The following CDK11A variants were observed in gnomAD, a reference collection of about 807,000 sequenced individuals.
The protein encoded by CDK11A is cyclin dependent kinase 11A.
Under a neutral mutation model 83.6 loss-of-function variants are expected in CDK11A, and 55 were observed. The ratio of observed to expected loss-of-function variants is 0.66; its 90% CI spans 0.53 to 0.82. CDK11A has a LOEUF of 0.82. Ranked by LOEUF, CDK11A falls within the 40% of genes least tolerant of loss-of-function variation. CDK11A has a pLI of 0.00. For synonymous variants in CDK11A, 247 were observed against 302.7 expected, an observed-to-expected ratio of 0.82 and a Z score of 1.91; for missense variants, 564 against 810.1, an observed-to-expected ratio of 0.70 and a Z score of 3.69.
chr1:1,707,237 G>A (rs1442320417), intron 11 of CDK11A, among the ~76,000 whole-genome samples, 172 bp downstream of exon 11: 5 of 144,634 alleles, frequency 3.5e-5, no homozygotes, highest in Admixed American at 3.4e-4. Context: ...AGAAAGAGGC[G>A]GGACCTAGAA....
intron 2 of CDK11A, 106 bp from the exon 3 acceptor site, chr1:1,721,817 AC>A: frequency 7.2e-7 from 1 of 1,392,644 alleles, no homozygotes; most frequent in Non-Finnish European, 9.6e-7. Flanking sequence ...CCCAAAACAA[AC>A]TTTCACATGT....
At chr1:1,719,921 T>G (rs1200664168) in intron 3 of CDK11A, among the ~76,000 whole-genome samples, 1 of 148,918 alleles carries the variant, frequency 6.7e-6, no homozygotes, top group Non-Finnish European at 1.5e-5. Context: ...GGCCTAGGAG[T>G]CTTAAGATTC....
rs11488591 is a variant in CDK11A at position 1,704,126 on chromosome 1, C to T, written c.1707G>A (p.Ala569=). ...CCTTCAGAGGGGATCCGTACTCCCGCGCCAGCCCAAAATCACCCACCTGCA... is the reference window on the plus strand; with the variant it reads ...CCTTCAGAGGGGATCCGTACTCCCGTGCCAGCCCAAAATCACCCACCTGCA... ...GILKVGDFGL[A]REYGSPLKAY... is the part of the protein sequence containing the mutation. Residue 569 remains alanine, a synonymous_variant, in exon 16 of 20, where the codon GCG becomes GCA. Transcript: ENST00000404249. 0.092 allele frequency: 147,217 copies of T among 1,602,968 alleles called. 16,616 individuals carry two copies. Among genetic ancestry groups the T allele is most frequent in the African/African-American group, 0.45 (33,417 of 74,200 alleles).
rs763206609 is a variant in CDK11A at position 1,704,472 on chromosome 1, T to C, written c.1564+78A>G. 4.5e-6 allele frequency: 7 copies of C among 1,550,430 alleles called. No homozygotes were observed. In the African/African-American group the frequency reaches 9.7e-5, roughly 21 times the overall value. On this transcript the variant is annotated intron_variant, in intron 14 of 19. Transcript: ENST00000404249. ...CCCTGTGGATGCAGCTGGCCCTCCCTGCAGCACTGTCACCGCGGGGGTGAC... is the reference window on the plus strand; with the variant it reads ...CCCTGTGGATGCAGCTGGCCCTCCCCGCAGCACTGTCACCGCGGGGGTGAC...
At chr1:1,720,004 G>A (rs1644843025) in intron 3 of CDK11A, among the ~76,000 whole-genome samples, 1 of 151,164 alleles carries the variant, frequency 6.6e-6, no homozygotes, top group African/African-American at 2.4e-5. Flanking sequence ...TGCAGGGGGT[G>A]AGGGGCAGGT....
chr1:1,718,603 G>A (rs892622396), intron 4 of CDK11A, among the ~76,000 whole-genome samples: 3 of 149,986 alleles, frequency 2.0e-5, no homozygotes, highest in Non-Finnish European at 3.0e-5. Context: ...ATTCTGAACG[G>A]TCTGTGACGC....
At chr1:1,715,429 C>T (rs1644599739) in intron 5 of CDK11A, among the ~76,000 whole-genome samples, 1 of 148,058 alleles carries the variant, frequency 6.8e-6, no homozygotes, top group South Asian at 2.2e-4. Context: ...CACTTCTATC[C>T]CAAGCTCTAC....
chr1:1,704,877 G>C (rs371977741), intron 13 of CDK11A, 27 bp downstream of exon 13: 1 of 1,606,684 alleles, frequency 6.2e-7, no homozygotes, highest in Non-Finnish European at 8.5e-7. Context: ...TTCCACCCGG[G>C]GCCAGGCGTG....
chr1:1,716,810 A>C, intron 4 of CDK11A, among the ~76,000 whole-genome samples: 1 of 101,048 alleles, frequency 9.9e-6, no homozygotes, highest in East Asian at 2.6e-4. Context: ...GTGAGACTCC[A>C]TCTCAAAAAA....
intron 10 of CDK11A, among the ~76,000 whole-genome samples, chr1:1,707,899 G>A (rs548026569): frequency 2.2e-5 from 3 of 137,356 alleles, no homozygotes; most frequent in Non-Finnish European, 4.5e-5. Context: ...TGTTCTGCAG[G>A]GACAGGCCCG....
chr1:1,721,639 T>C lies in CDK11A; in HGVS notation c.184A>G (p.Ile62Val). ...ELRDHCMEIT[I>V]RNSPYRREDS... Reference sequence around the variant, plus strand: ...TCTCTTCTATACGGGGAGTTCCTTATTGTGATCTCCATGCAGTGATCTCTC... The same window carrying C: ...TCTCTTCTATACGGGGAGTTCCTTACTGTGATCTCCATGCAGTGATCTCTC... The change falls in exon 3 of 20, where the codon ATA becomes GTA. Residue 62 changes from isoleucine to valine, a missense_variant. Ile to Val is a conservative substitution (Grantham distance 29). Around this residue, in one of 5 missense-constraint regions of CDK11A, gnomAD observed 151 missense variants for 147.4 expected, o/e 1.02. Transcript: ENST00000404249. The C allele has an allele frequency of 6.2e-7, 1 of 1,607,052 alleles. No individual in the cohort carries two copies. Among genetic ancestry groups the C allele is most frequent in the Non-Finnish European group, 8.5e-7 (1 of 1,174,656 alleles).
In CDK11A at chr1:1,703,565, T is replaced by TC; in HGVS notation, c.1970_1971insG (p.Met659AspfsTer42). On this transcript the variant is annotated frameshift_variant, in exon 18 of 20. Transcript: ENST00000404249. LOFTEE classifies it high-confidence loss of function. ...AGGGGTGCTCGCTGAAGGTCATCTT[T>TC]TTGACTACTGGGAGCTCACTGTAGC... 1 of 1,547,374 alleles carries TC rather than the reference T, an allele frequency of 6.5e-7. No homozygotes were observed. Among genetic ancestry groups the TC allele is most frequent in the Non-Finnish European group, 8.7e-7 (1 of 1,155,684 alleles).
At chr1:1,719,253 G>A in intron 4 of CDK11A, 75 bp downstream of exon 4, 5 of 1,305,254 alleles carry the variant, frequency 3.8e-6, no homozygotes, top group Non-Finnish European at 5.2e-6. Context: ...TGGTGCTCTG[G>A]GGAAGGCAGA....
chr1:1,704,851 C>A (rs772904781), intron 13 of CDK11A, 53 bp downstream of exon 13: 2 of 1,607,660 alleles, frequency 1.2e-6, no homozygotes, highest in South Asian at 2.2e-5. Flanking sequence ...CAGCACGGGG[C>A]CCTGTCGGAA....
chr1:1,722,285 A>G lies in CDK11A; in HGVS notation c.111+423T>C, dbSNP rs1383172095. 1.1e-4 allele frequency among the ~76,000 whole-genome samples: 17 copies of G among 150,832 alleles called. No individual in the cohort carries two copies. In the Admixed American group the frequency reaches 1.1e-3, roughly 10 times the overall value. ...ATGATGCTACAAATCTTAGCAAAAGAGGTACTTTGCCAATGCCTCTTACCA... is the reference window on the plus strand; with the variant it reads ...ATGATGCTACAAATCTTAGCAAAAGGGGTACTTTGCCAATGCCTCTTACCA... On this transcript the variant is annotated intron_variant, in intron 2 of 19. Coordinates refer to ENST00000404249, the MANE Select transcript of CDK11A (RefSeq NM_024011.4).
intron 11 of CDK11A, among the ~76,000 whole-genome samples, chr1:1,706,992 A>C (rs987538697): frequency 7.0e-6 from 1 of 142,226 alleles, no homozygotes; most frequent in Non-Finnish European, 1.5e-5. Flanking sequence ...ACACATCTAC[A>C]CTGACTCCCG....
rs775437928 is a variant in CDK11A, at chr1:1,703,814, C to CCA, written c.1911+8_1911+9dup. On this transcript the variant is annotated intron_variant, in intron 17 of 19. Transcript: ENST00000404249. ...AATCCATAGCGCACCTGCGGCAGGG[C>CCA]CAGACCCACCTTGAACACTTTGTTG... is the stretch of plus-strand genomic sequence containing the variant. 1.3e-5 allele frequency: 21 copies of CCA among 1,609,242 alleles called. No individual in the cohort carries two copies. The highest frequency in any genetic ancestry group is 1.7e-5 in the Non-Finnish European group (20 of 1,176,766).
chr1:1,708,438 C>G (rs1318051423), intron 9 of CDK11A, among the ~76,000 whole-genome samples, 193 bp from the exon 10 acceptor site: 1 of 148,358 alleles, frequency 6.7e-6, no homozygotes, highest in Admixed American at 6.7e-5. Context: ...GTCAGGAGTT[C>G]GAGACCATCC....
At chr1:1,724,205 G>A (rs1262965299) in intron 1 of CDK11A, 53 bp downstream of exon 1, 1 of 151,304 alleles carries the variant, frequency 6.6e-6, no homozygotes, top group African/African-American at 2.4e-5. Flanking sequence ...GAAAGACCTC[G>A]GTGCGCAGTT....
Sources: allele counts gnomAD v4.1 joint callset (sites outside exome capture counted in the v4.1 genomes callset), GRCh38; gene constraint gnomAD v4.1.1; regional missense constraint gnomAD v4.1.1; transcripts MANE v1.5; gene names NCBI Gene and HGNC (gene_info 2026-07-23, HGNC 2026-07-21).